NUBPL: variants seen among roughly 807,000 people sequenced by gnomAD.
The protein encoded by NUBPL is iron-sulfur cluster transfer protein NUBPL.
Under a neutral mutation model 45.7 loss-of-function variants are expected in NUBPL, and 31 were observed. The observed-to-expected ratio is 0.68, with a 90% CI of 0.51 to 0.92. The LOEUF is 0.92. NUBPL is among the 40% of genes least tolerant of loss of function. NUBPL has a pLI of 0.00. For synonymous variants in NUBPL, 144 were observed against 140.9 expected (o/e 1.02, Z -0.15); for missense variants, 401 against 398.7 (o/e 1.01, Z -0.05).
chr14:31,817,913 C>T (rs775639581), intron 7 of NUBPL, among the ~76,000 whole-genome samples: 5 of 151,888 alleles, frequency 3.3e-5, no homozygotes, highest in Non-Finnish European at 7.4e-5. Flanking sequence ...ATTCAGGAGA[C>T]CCATTTCATG....
At chr14:31,848,472 C>T (rs912756122) in intron 9 of NUBPL, among the ~76,000 whole-genome samples, 4 of 152,156 alleles carry the variant, frequency 2.6e-5, no homozygotes, top group African/African-American at 4.8e-5. Flanking sequence ...TTATTTGGTA[C>T]GATAGCTCTT....
rs908518963 is a variant in NUBPL at position 31,575,869 on chromosome 14, G to T, written c.291+10821G>T. 2.6e-5 allele frequency among the ~76,000 whole-genome samples: 4 copies of T among 152,246 alleles called. No individual in the cohort carries two copies. In the South Asian group the frequency reaches 8.3e-4, roughly 32 times the overall value. ...TATTTTAAAGCTAGAGCAGAAACCAGGGCAAAAGGTCAGATTCAGAAGGAA... is the reference window on the plus strand; with the variant it reads ...TATTTTAAAGCTAGAGCAGAAACCATGGCAAAAGGTCAGATTCAGAAGGAA... On this transcript the variant is annotated intron_variant, in intron 3 of 10. Transcript: ENST00000281081.
At chr14:31,644,825 A>G (rs553711960) in intron 4 of NUBPL, among the ~76,000 whole-genome samples, 3 of 152,030 alleles carry the variant, frequency 2.0e-5, no homozygotes, top group African/African-American at 4.8e-5. Context: ...ATGCTTGGGT[A>G]CTGGGTATTG....
chr14:31,726,778 A>C (rs1179987397), intron 6 of NUBPL, among the ~76,000 whole-genome samples: 2 of 152,102 alleles, frequency 1.3e-5, no homozygotes, highest in Non-Finnish European at 2.9e-5. Context: ...TGGGTTAAAA[A>C]TAAGGGAAAC....
In NUBPL at chr14:31,850,159, T is replaced by A. The variant is rs1311544495; in HGVS notation, c.855T>A (p.Asp285Glu). Residue 285 changes from aspartate to glutamate, a missense_variant, in exon 10 of 11, where the codon GAT (aspartate) becomes GAA (glutamate). By Grantham distance (45) the Asp-to-Glu change is conservative. Transcript: ENST00000281081. ...ACCTTAATATAAGGGAAGCTTCAGA[T>A]ACAGGCCAGCCAATTGTGTTTTCAC... ...PLHLNIREAS[D>E]TGQPIVFSQP... is the part of the protein sequence containing the mutation. The A allele has an allele frequency of 1.2e-6, 2 of 1,613,902 alleles. No individual in the cohort carries two copies. The highest frequency in any genetic ancestry group is 1.7e-6 in the Non-Finnish European group (2 of 1,179,918).
chr14:31,850,271 G>T, intron 10 of NUBPL, 70 bp downstream of exon 10: 1 of 1,208,994 alleles, frequency 8.3e-7, no homozygotes, highest in Admixed American at 1.7e-5. Context: ...AAGAAAGTTG[G>T]GAAGATTAAG....
chr14:31,729,510 A>G (rs2038003856), intron 6 of NUBPL, among the ~76,000 whole-genome samples: 1 of 152,174 alleles, frequency 6.6e-6, no homozygotes, highest in Non-Finnish European at 1.5e-5. Flanking sequence ...TTGAATGTAC[A>G]AATTTTTAAT....
At chr14:31,774,197 A>T (rs2039059013) in intron 6 of NUBPL, among the ~76,000 whole-genome samples, 1 of 152,174 alleles carries the variant, frequency 6.6e-6, no homozygotes, top group Admixed American at 6.5e-5. Flanking sequence ...CATCTGGCTC[A>T]CATTGGCCTT....
intron 3 of NUBPL, among the ~76,000 whole-genome samples, chr14:31,597,622 T>C (rs1318872725): frequency 2.0e-5 from 3 of 152,194 alleles, no homozygotes; most frequent in East Asian, 3.8e-4. Flanking sequence ...AGAAGATCAA[T>C]TTGAAACTTA....
chr14:31,572,244 A>G (rs2033605354), intron 3 of NUBPL, among the ~76,000 whole-genome samples: 1 of 151,800 alleles, frequency 6.6e-6, no homozygotes, highest in East Asian at 1.9e-4. Context: ...GGTTCACACC[A>G]TTCCCCTGCC....
chr14:31,775,383 A>C (rs939927776), intron 6 of NUBPL, among the ~76,000 whole-genome samples: 2 of 152,200 alleles, frequency 1.3e-5, no homozygotes, highest in Admixed American at 1.3e-4. Context: ...ATGCCATTGC[A>C]CATCAGCCTG....
chr14:31,688,765 G>A (rs1332694529), intron 6 of NUBPL, among the ~76,000 whole-genome samples: 1 of 150,266 alleles, frequency 6.7e-6, no homozygotes, highest in African/African-American at 2.5e-5. Flanking sequence ...CATCACCCAG[G>A]TACTAAGCCT....
rs1025847684 is a variant in NUBPL at position 31,747,629 on chromosome 14, C to G, written c.514-40151C>G. ...TTGCTTATAGTAGTCTTTAATGATC[C>G]TTTGTATTTATGTGGTCTTGGTTGT... On this transcript the variant is annotated intron_variant, in intron 6 of 10. Transcript: ENST00000281081. Among the ~76,000 whole-genome samples the G allele has an allele frequency of 2.6e-5, 4 of 151,940 alleles. No individual in the cohort carries two copies. The East Asian group carries it at 7.7e-4, about 29-fold the overall frequency.
At chr14:31,628,178 C>T (rs2035255992) in intron 4 of NUBPL, among the ~76,000 whole-genome samples, 1 of 152,092 alleles carries the variant, frequency 6.6e-6, no homozygotes, top group Admixed American at 6.6e-5. Context: ...TTATACTACA[C>T]CAAAATTTGG....
chr14:31,759,209 CT>C (rs1056481193), intron 6 of NUBPL, among the ~76,000 whole-genome samples: 3 of 151,882 alleles, frequency 2.0e-5, no homozygotes, highest in African/African-American at 7.3e-5. Context: ...TTTTAAATTT[CT>C]TTGTTTTTTT....
chr14:31,801,226 TTTTGTCCCTCCTGATAGTGGATCCCCA>T (rs1353617953), intron 7 of NUBPL: 1 of 152,250 alleles, frequency 6.6e-6, no homozygotes, highest in Non-Finnish European at 1.5e-5. Flanking sequence ...TCTCATCTCC[TTTTGTCCCTCCTGATAGTGGATCCCCA>T]TTGAGAGCCA....
chr14:31,733,845 T>C (rs1466144885), intron 6 of NUBPL, among the ~76,000 whole-genome samples: 1 of 152,226 alleles, frequency 6.6e-6, no homozygotes, highest in Non-Finnish European at 1.5e-5. Context: ...TCGTCTTGTA[T>C]TGATCTCTTA....
At chr14:31,706,321 C>T (rs1050639500) in intron 6 of NUBPL, among the ~76,000 whole-genome samples, 6 of 152,150 alleles carry the variant, frequency 3.9e-5, no homozygotes, top group South Asian at 2.1e-4. Flanking sequence ...CAGGGGTCCT[C>T]GGTAGAAGTT....
chr14:31,733,640 C>T (rs1051412874), intron 6 of NUBPL, among the ~76,000 whole-genome samples: 27 of 152,124 alleles, frequency 1.8e-4, no homozygotes, highest in Non-Finnish European at 7.4e-5. Flanking sequence ...ATTGACCTGT[C>T]ATACTACATT....
Sources: gnomAD v4.1 joint callset for allele counts (sites outside exome capture counted in the v4.1 genomes callset) on GRCh38, gnomAD v4.1.1 for gene constraint, MANE v1.5 for transcripts, NCBI Gene and HGNC (gene_info 2026-07-23, HGNC 2026-07-21) for gene names.